Variants in IGF2R observed in about 807,000 individuals in gnomAD.
IGF2R encodes the protein cation-independent mannose-6-phosphate receptor.
IGF2R carries 91 observed loss-of-function variants against 270.6 expected under a neutral mutation model. The observed-to-expected ratio is 0.34, with a 90% CI of 0.28 to 0.40. The LOEUF is 0.40. Ranked by LOEUF, IGF2R falls within the 10% of genes least tolerant of loss-of-function variation. The pLI is 1.00. For missense variants in IGF2R, 2,805 were observed against 3,188.3 expected, an observed-to-expected ratio of 0.88 and a Z score of 2.90; for synonymous variants, 1,316 against 1,258.9, an observed-to-expected ratio of 1.05 and a Z score of -0.96.
At chr6:160,068,060 T>TG (rs368684860) in intron 29 of IGF2R, among the ~76,000 whole-genome samples, 189 bp from the exon 30 acceptor site, 9 of 118,028 alleles carry the variant, frequency 7.6e-5, no homozygotes, top group African/African-American at 2.1e-4. Context: ...CTGATTCTGA[T>TG]GGGGGGTGTG....
chr6:159,981,826 A>C (rs1783808894), intron 1 of IGF2R, among the ~76,000 whole-genome samples: 1 of 152,056 alleles, frequency 6.6e-6, no homozygotes, highest in Non-Finnish European at 1.5e-5. Flanking sequence ...TCTGACATCA[A>C]CTTAGATGTC....
At chr6:160,057,635 A>G (rs1201234133) in intron 20 of IGF2R, among the ~76,000 whole-genome samples, 1 of 152,236 alleles carries the variant, frequency 6.6e-6, no homozygotes, top group African/African-American at 2.4e-5. Flanking sequence ...CATACTTCCC[A>G]TGATTACCTT....
chr6:160,009,098 C>A lies in IGF2R; in HGVS notation c.378C>A (p.Val126=). ...ACCAGCAAGGCACAAATCACAGAGT[C>A]CAGAGCAGCATTGCCTTCCTGTGTG... is the stretch of plus-strand genomic sequence containing the variant. ...SCDQQGTNHR[V]QSSIAFLCGK... The change falls in exon 3 of 48, where the codon GTC becomes GTA. Residue 126 remains valine, a synonymous_variant. Transcript: ENST00000356956. 6.2e-7 allele frequency: 1 copy of A among 1,613,864 alleles called. No homozygotes were observed. The highest frequency in any genetic ancestry group is 2.2e-5 in the East Asian group (1 of 44,864).
Position 160,102,679 on chromosome 6 carries a change from G to A in IGF2R, c.6995+8G>A. The A allele has an allele frequency of 2.5e-6, 4 of 1,589,422 alleles. No individual in the cohort carries two copies. The highest frequency in any genetic ancestry group is 1.7e-4 in the Middle Eastern group (1 of 5,998). On this transcript the variant is annotated splice_region_variant and intron_variant, in intron 46 of 47. Transcript: ENST00000356956. This position sits in a 1 kb window ranked among gnomAD's most constrained non-coding sequence, Gnocchi z 4.5. Reference sequence around the variant, plus strand: ...CTACAAGAAGGAGAGGAGGTAAGCGGGTGGCAGGGCGAGGTGGGGCGGGTG... The same window carrying A: ...CTACAAGAAGGAGAGGAGGTAAGCGAGTGGCAGGGCGAGGTGGGGCGGGTG...
intron 2 of IGF2R, among the ~76,000 whole-genome samples, chr6:160,007,853 T>C (rs1019363465): frequency 4.6e-5 from 7 of 152,256 alleles, no homozygotes; most frequent in African/African-American, 1.7e-4. Context: ...AACTCTTAAA[T>C]TGAATAGGTC....
At chr6:160,016,866 A>G (rs761466545) in intron 4 of IGF2R, among the ~76,000 whole-genome samples, 2 of 152,234 alleles carry the variant, frequency 1.3e-5, no homozygotes, top group African/African-American at 2.4e-5. Flanking sequence ...GGCGGGGGGA[A>G]CCCTCTAGTC....
intron 2 of IGF2R, among the ~76,000 whole-genome samples, chr6:160,001,034 G>C (rs745830471): frequency 1.3e-5 from 2 of 152,078 alleles, no homozygotes; most frequent in African/African-American, 2.4e-5. Context: ...ACCACGCCTG[G>C]CCTGGTATGA....
intron 5 of IGF2R, among the ~76,000 whole-genome samples, chr6:160,025,078 AC>A (rs1418452960): frequency 6.6e-6 from 1 of 152,128 alleles, no homozygotes; most frequent in Non-Finnish European, 1.5e-5. Context: ...ATGATCAAGG[AC>A]TTGGGTACTT....
intron 36 of IGF2R, 122 bp from the exon 37 acceptor site, chr6:160,078,079 G>T: frequency 1.1e-6 from 1 of 904,016 alleles, no homozygotes; most frequent in Non-Finnish European, 1.7e-6. Flanking sequence ...CTGTTGTCTA[G>T]CATCCCTTCC....
Position 160,050,591 on chromosome 6 carries a change from G to A in IGF2R, c.2633G>A (p.Ser878Asn), listed in dbSNP as rs546014721. The change falls in exon 19 of 48, where the codon AGC becomes AAC. Residue 878 changes from serine to asparagine, a missense_variant. Around this residue, in one of 2 missense-constraint regions of IGF2R, gnomAD observed 1,851 missense variants for 2,207.2 expected, o/e 0.84. Coordinates refer to ENST00000356956, the MANE Select transcript of IGF2R (RefSeq NM_000876.4). This position sits in a 1 kb window ranked among gnomAD's most constrained non-coding sequence, Gnocchi z 4.0. ...EYVNGSACTT[S>N]DGRQTTYTTR... ...GTGAATGGGTCGGCCTGCACCACCA[G>A]CGATGGCAGACAGACCACATATACC... 9.9e-6 allele frequency: 16 copies of A among 1,614,132 alleles called. No homozygotes were observed. The African/African-American group carries it at 1.6e-4, about 16-fold the overall frequency.
Position 160,102,039 on chromosome 6 carries a change from G to A in IGF2R, c.6843-480G>A. 6.6e-6 allele frequency among the ~76,000 whole-genome samples: 1 copy of A among 152,172 alleles called. No homozygotes were observed. The highest frequency in any genetic ancestry group is 1.9e-4 in the East Asian group (1 of 5,174). ...GTGGCCGCCCCTGGGCCCCGTCCTG[G>A]CCTGTTTCTAAGGCCCCCTGGGCCC... On this transcript the variant is annotated intron_variant, in intron 45 of 47. Transcript: ENST00000356956. This position sits in a 1 kb window ranked among gnomAD's most constrained non-coding sequence, Gnocchi z 4.5.
Position 160,072,027 on chromosome 6 carries a change from C to G in IGF2R, c.4561C>G (p.Pro1521Ala). ...NEHDDCQVTNPSTGHLFDLSS... is the reference protein window; with the variant it reads ...NEHDDCQVTNASTGHLFDLSS... ...GCATGATGACTGCCAGGTCACCAACCCAAGCACAGGTGAGAGGTGGTGCCA... is the reference window on the plus strand; with the variant it reads ...GCATGATGACTGCCAGGTCACCAACGCAAGCACAGGTGAGAGGTGGTGCCA... Residue 1521 changes from proline to alanine, a missense_variant, in exon 32 of 48, where the codon CCA becomes GCA. This residue lies in a region of IGF2R where 1,851 missense variants were observed against 2,207.2 expected (regional missense o/e 0.84). Coordinates refer to ENST00000356956, the MANE Select transcript of IGF2R (RefSeq NM_000876.4). 1 of 1,614,178 alleles carries G rather than the reference C, an allele frequency of 6.2e-7. No individual in the cohort carries two copies. Among genetic ancestry groups the G allele is most frequent in the Non-Finnish European group, 8.5e-7 (1 of 1,180,018 alleles).
intron 19 of IGF2R, among the ~76,000 whole-genome samples, chr6:160,051,530 C>G (rs1778195498): frequency 6.6e-6 from 1 of 152,112 alleles, no homozygotes; most frequent in Admixed American, 6.6e-5. Context: ...AAGCACTGAT[C>G]CTTGGGGTAT....
intron 15 of IGF2R, among the ~76,000 whole-genome samples, 153 bp from the exon 16 acceptor site, chr6:160,047,006 C>T (rs1387137388): frequency 3.9e-5 from 6 of 152,198 alleles, no homozygotes; most frequent in Non-Finnish European, 7.3e-5. Context: ...TTCCTGCTGC[C>T]GTTGGAGACC....
chr6:160,047,356 A>G lies in IGF2R; in HGVS notation c.2229+20A>G, dbSNP rs368594128. On this transcript the variant is annotated intron_variant, in intron 16 of 47. Transcript: ENST00000356956. Reference sequence around the variant, plus strand: ...TATCAGGTAGGAATGTTTGTTCCTCATCGCGCTCCCTGAGGATACTCATGC... The same window carrying G: ...TATCAGGTAGGAATGTTTGTTCCTCGTCGCGCTCCCTGAGGATACTCATGC... 25 of 1,551,204 alleles carry G rather than the reference A, an allele frequency of 1.6e-5. No individual in the cohort carries two copies. Among genetic ancestry groups the G allele is most frequent in the Non-Finnish European group, 2.0e-5 (23 of 1,152,838 alleles).
At chr6:160,029,458 C>T in intron 6 of IGF2R, 92 bp from the exon 7 acceptor site, 1 of 716,566 alleles carries the variant, frequency 1.4e-6, no homozygotes, top group Admixed American at 2.1e-5. Context: ...CTCCTCCCCC[C>T]CAAGTGAATG....
intron 4 of IGF2R, among the ~76,000 whole-genome samples, chr6:160,024,313 A>G (rs1320948539): frequency 6.6e-6 from 1 of 152,184 alleles, no homozygotes; most frequent in African/African-American, 2.4e-5. Context: ...GAAACGATCC[A>G]GTGGAGAGGG....
At position 159,998,955 on chromosome 6, in the gene IGF2R, A is replaced by T. The variant is rs1272237229; in HGVS notation, c.289+7632A>T. On this transcript the variant is annotated intron_variant, in intron 2 of 47. Coordinates refer to ENST00000356956, the MANE Select transcript of IGF2R (RefSeq NM_000876.4). The surrounding 1 kb of genome is among the most constrained non-coding windows in gnomAD (Gnocchi z 4.1). ...GTGATTTCATTTCCCTCATGTTATA[A>T]ATGAAGAAATGGAAGCGCAAAATGG... Among the ~76,000 whole-genome samples the T allele has an allele frequency of 6.6e-6, 1 of 152,234 alleles. No homozygotes were observed. Among genetic ancestry groups the T allele is most frequent in the Non-Finnish European group, 1.5e-5 (1 of 68,030 alleles).
In IGF2R at chr6:160,107,806, CAT is replaced by C. The variant is rs1410085534; in HGVS notation, c.*2726_*2727del. 6.6e-6 allele frequency: 1 copy of C among 152,168 alleles called. No individual in the cohort carries two copies. Among genetic ancestry groups the C allele is most frequent in the Non-Finnish European group, 1.5e-5 (1 of 68,024 alleles). The allele number at this position is 152,168 out of a possible 1,614,324, so 9.4% of individuals were successfully genotyped here. ...CACGAGATGATTCCTCAGGAAGGAACATATAGACATACAGACAGGAGACAACA... is the reference window on the plus strand; with the variant it reads ...CACGAGATGATTCCTCAGGAAGGAACATAGACATACAGACAGGAGACAACA... On this transcript the variant is annotated 3_prime_UTR_variant, in exon 48 of 48. Coordinates refer to ENST00000356956, the MANE Select transcript of IGF2R (RefSeq NM_000876.4).
Sources: gnomAD v4.1 joint callset for allele counts (sites outside exome capture counted in the v4.1 genomes callset) on GRCh38, gnomAD v4.1.1 for gene constraint, gnomAD v4.1.1 regional missense constraint, Gnocchi (gnomAD v3.1) non-coding constraint, MANE v1.5 for transcripts, NCBI Gene and HGNC (gene_info 2026-07-23, HGNC 2026-07-21) for gene names.